TNRC6B: variants seen among roughly 807,000 people sequenced by gnomAD.
The protein encoded by TNRC6B is trinucleotide repeat-containing gene 6B protein.
TNRC6B carries 52 observed loss-of-function variants against 203.6 expected under a neutral mutation model. The ratio of observed to expected loss-of-function variants is 0.26; its 90% CI spans 0.20 to 0.32. The LOEUF is 0.32. Among genes scored for constraint, TNRC6B ranks in the 10% least tolerant of loss-of-function variants. TNRC6B has a pLI of 1.00. For missense variants in TNRC6B, 1,923 were observed against 2,286.2 expected (o/e 0.84, Z 3.24); for synonymous variants, 838 against 845.7 (o/e 0.99, Z 0.16).
chr22:40,069,336 G>A (rs1000803587), intron 1 of TNRC6B, among the ~76,000 whole-genome samples: 1 of 151,676 alleles, frequency 6.6e-6, no homozygotes, highest in East Asian at 1.9e-4. Context: ...AAACTCCTGG[G>A]CTCAAGGGAT....
At chr22:40,071,123 CT>C (rs1013052752) in intron 1 of TNRC6B, among the ~76,000 whole-genome samples, 1 of 151,188 alleles carries the variant, frequency 6.6e-6, no homozygotes, top group Non-Finnish European at 1.5e-5. Context: ...ACCCACTTTC[CT>C]TTTTTTTTCT....
chr22:40,141,132 T>A (rs1213472235), intron 3 of TNRC6B, among the ~76,000 whole-genome samples: 1 of 151,980 alleles, frequency 6.6e-6, no homozygotes, highest in Non-Finnish European at 1.5e-5. Flanking sequence ...TCTACTTTTT[T>A]TTTTAATTAA....
At chr22:40,055,430 G>A (rs1489988167) in intron 1 of TNRC6B, among the ~76,000 whole-genome samples, 2 of 152,110 alleles carry the variant, frequency 1.3e-5, no homozygotes, top group East Asian at 1.9e-4. Flanking sequence ...GAAGATGACC[G>A]GCACAGCGGT....
At chr22:40,069,045 A>G (rs1276704372) in intron 1 of TNRC6B, among the ~76,000 whole-genome samples, 3 of 152,126 alleles carry the variant, frequency 2.0e-5, no homozygotes, top group Non-Finnish European at 4.4e-5. Flanking sequence ...TTAGTAAACA[A>G]TAGTGTAAAG....
chr22:40,107,943 C>A (rs1348016297), intron 1 of TNRC6B, among the ~76,000 whole-genome samples: 1 of 150,384 alleles, frequency 6.6e-6, no homozygotes, highest in Non-Finnish European at 1.5e-5. Context: ...ATATGATGCT[C>A]CAGGAACTGT....
chr22:40,321,021 G>A (rs2071327635), intron 21 of TNRC6B, 69 bp from the exon 22 acceptor site: 5 of 1,583,140 alleles, frequency 3.2e-6, no homozygotes, highest in African/African-American at 1.3e-5. Context: ...CCAGTGCTTT[G>A]AATATCTTAA....
chr22:40,167,698 C>T (rs1416456485), intron 4 of TNRC6B, among the ~76,000 whole-genome samples: 3 of 102,190 alleles, frequency 2.9e-5, no homozygotes, highest in East Asian at 2.4e-4. Context: ...AGATTCCCAT[C>T]GCTACCAAAA....
chr22:40,238,010 T>TA (rs1447046259), intron 1 of TNRC6B, among the ~76,000 whole-genome samples: 1 of 152,094 alleles, frequency 6.6e-6, no homozygotes, highest in African/African-American at 2.4e-5. Flanking sequence ...GCATGTTTAT[T>TA]AGATGATGTA....
At chr22:40,272,636 T>G (rs1291437315) in intron 6 of TNRC6B, among the ~76,000 whole-genome samples, 1 of 152,210 alleles carries the variant, frequency 6.6e-6, no homozygotes, top group Non-Finnish European at 1.5e-5. Context: ...TCGGAGGGAA[T>G]TAAGGACTTA....
At chr22:40,069,042 AC>A (rs2067922903) in intron 1 of TNRC6B, among the ~76,000 whole-genome samples, 1 of 152,160 alleles carries the variant, frequency 6.6e-6, no homozygotes, top group Non-Finnish European at 1.5e-5. Context: ...ACTTTAGTAA[AC>A]AATAGTGTAA....
intron 5 of TNRC6B, among the ~76,000 whole-genome samples, chr22:40,268,279 T>A (rs566963971): frequency 3.3e-5 from 5 of 152,076 alleles, no homozygotes; most frequent in Non-Finnish European, 7.4e-5. Context: ...AGAGACAGGA[T>A]TTCACCATGT....
rs1047623248 is a variant in TNRC6B at position 40,328,578 on chromosome 22, G to C, written c.*5337G>C. 6.6e-6 allele frequency: 1 copy of C among 152,034 alleles called. No homozygotes were observed. Among genetic ancestry groups the C allele is most frequent in the African/African-American group, 2.4e-5 (1 of 41,370 alleles). 9.4% of individuals were successfully genotyped at this position (152,034 alleles called of 1,614,324 possible). ...GTGATTTTTGTAAGGTTAACAGCCAGATTCCATTTTGACCTCAGATGCTGT... is the reference window on the plus strand; with the variant it reads ...GTGATTTTTGTAAGGTTAACAGCCACATTCCATTTTGACCTCAGATGCTGT... On this transcript the variant is annotated 3_prime_UTR_variant, in exon 23 of 23. Coordinates refer to ENST00000454349, the MANE Select transcript of TNRC6B (RefSeq NM_001162501.2).
intron 1 of TNRC6B, among the ~76,000 whole-genome samples, chr22:40,112,337 C>T (rs534412819): frequency 2.0e-5 from 3 of 152,234 alleles, no homozygotes; most frequent in African/African-American, 4.8e-5. Context: ...GAGTTCAATC[C>T]GTGAAGCCAA....
At chr22:40,090,172 T>A (rs1447843237) in intron 1 of TNRC6B, among the ~76,000 whole-genome samples, 1 of 152,222 alleles carries the variant, frequency 6.6e-6, no homozygotes, top group African/African-American at 2.4e-5. Context: ...GAACATAAGT[T>A]TTCACCTCAT....
At chr22:40,094,202 C>T (rs1330489317) in intron 1 of TNRC6B, among the ~76,000 whole-genome samples, 2 of 152,082 alleles carry the variant, frequency 1.3e-5, no homozygotes, top group African/African-American at 2.4e-5. Context: ...GAGTCCTACA[C>T]AGTACGCATC....
intron 3 of TNRC6B, among the ~76,000 whole-genome samples, chr22:40,134,400 C>T (rs2068580952): frequency 6.6e-6 from 1 of 152,174 alleles, no homozygotes; most frequent in Admixed American, 6.6e-5. Context: ...CTGATCAGCA[C>T]TCCTGAAAAC....
chr22:40,109,949 A>G lies in TNRC6B; in HGVS notation c.-120-7106A>G, dbSNP rs939968725. 3.9e-5 allele frequency among the ~76,000 whole-genome samples: 6 copies of G among 152,224 alleles called. No individual in the cohort carries two copies. In the East Asian group the frequency reaches 5.8e-4, roughly 15 times the overall value. On this transcript the variant is annotated intron_variant, in intron 1 of 23. Coordinates refer to the TNRC6B transcript ENST00000301923. ...CACAGTGCGGGGCACAGCATAAACA[A>G]TTGTTAATGATTATTCATATTACTA...
intron 15 of TNRC6B, among the ~76,000 whole-genome samples, chr22:40,307,240 G>A (rs1055215722): frequency 1.3e-5 from 2 of 152,140 alleles, no homozygotes; most frequent in Non-Finnish European, 2.9e-5. Flanking sequence ...AACACAACCT[G>A]ATCCCTTAGT....
At chr22:40,158,359 TAA>T (rs1238657351) in intron 4 of TNRC6B, among the ~76,000 whole-genome samples, 1 of 148,414 alleles carries the variant, frequency 6.7e-6, no homozygotes, top group Non-Finnish European at 1.5e-5. Context: ...AATAAATAAA[TAA>T]ATAAATAAAT....
Sources: gnomAD v4.1 joint callset for allele counts (sites outside exome capture counted in the v4.1 genomes callset) on GRCh38, gnomAD v4.1.1 for gene constraint, MANE v1.5 for transcripts, NCBI Gene and HGNC (gene_info 2026-07-23, HGNC 2026-07-21) for gene names.